TUBB6: variants seen among roughly 807,000 people sequenced by gnomAD.
The protein encoded by TUBB6 is tubulin beta 6 class V.
TUBB6 carries 18 observed loss-of-function variants against 32.3 expected under a neutral mutation model. The ratio of observed to expected loss-of-function variants is 0.56; its 90% confidence interval spans 0.39 to 0.83. The LOEUF (loss-of-function observed/expected upper bound fraction) is 0.83. Ranked by LOEUF, TUBB6 falls within the 40% of genes least tolerant of loss-of-function variation. TUBB6 has a pLI of 0.00. For synonymous variants in TUBB6, 280 were observed against 265.8 expected (o/e 1.05, Z -0.52); for missense variants, 480 against 632.0 (o/e 0.76, Z 2.58).
At chr18:12,311,607 A>G (rs753808339) in intron 3 of TUBB6, among the ~76,000 whole-genome samples, 3 of 152,206 alleles carry the variant, frequency 2.0e-5, no homozygotes, top group Non-Finnish European at 4.4e-5. Flanking sequence ...AAAAATAGCA[A>G]AAAACAAAAA....
intron 3 of TUBB6, among the ~76,000 whole-genome samples, chr18:12,317,126 A>G (rs535933771): frequency 6.5e-4 from 98 of 150,846 alleles, no homozygotes; most frequent in Non-Finnish European, 1.2e-3. Context: ...ATTGCACTGC[A>G]GCCTGGGTGA....
At position 12,325,962 on chromosome 18, in the gene TUBB6, C is replaced by G; in HGVS notation, c.1173C>G (p.Arg391=). The change falls in exon 4 of 4, where the codon CGC becomes CGG. Residue 391 remains arginine (R), a synonymous_variant. Transcript: ENST00000317702. The stretch of plus-strand genomic sequence containing the variant: ...AGCAGTTCTCAGCCATGTTCCGGCG[C>G]AAGGCCTTCCTGCACTGGTTCACGG... ...ISEQFSAMFR[R]KAFLHWFTGE... 6.2e-7 allele frequency: 1 copy of G among 1,614,112 alleles called. No homozygotes were observed. The highest frequency in any genetic ancestry group is 8.5e-7 in the Non-Finnish European group (1 of 1,180,048).
downstream of TUBB6, among the ~76,000 whole-genome samples, chr18:12,327,308 T>C (rs1423334037): frequency 6.6e-6 from 1 of 152,200 alleles, no homozygotes; most frequent in Non-Finnish European, 1.5e-5. Context: ...CACTCTGACC[T>C]GTGTTGGACA....
At chr18:12,308,478 C>A in intron 1 of TUBB6, 129 bp downstream of exon 1, 1 of 828,310 alleles carries the variant, frequency 1.2e-6, no homozygotes, top group South Asian at 3.2e-5. Context: ...GGTGCGGACC[C>A]GCGAGGGCCG....
intron 3 of TUBB6, 87 bp from the exon 4 acceptor site, chr18:12,324,980 C>A: frequency 1.3e-6 from 2 of 1,512,238 alleles, no homozygotes; most frequent in Non-Finnish European, 1.8e-6. Context: ...ATCATGGAAT[C>A]ACTTCACACC....
In TUBB6 at chr18:12,325,668, G is replaced by A. The variant is rs1907265134; in HGVS notation, c.879G>A (p.Met293Ile). Residue 293 changes from methionine (M) to isoleucine (I), a missense_variant, in exon 4 of 4, where the codon ATG becomes ATA. Transcript: ENST00000317702. The stretch of plus-strand genomic sequence containing the variant: ...CCGTGCCCGAGCTCACCCAGCAGAT[G>A]TTCGACGCCAGGAACATGATGGCCG... ...ALTVPELTQQMFDARNMMAAC... is the reference protein window; with the variant it reads ...ALTVPELTQQIFDARNMMAAC... The A allele has an allele frequency of 1.2e-6, 2 of 1,613,956 alleles. No homozygotes were observed. The highest frequency in any genetic ancestry group is 1.7e-5 in the Admixed American group (1 of 59,996).
At position 12,318,279 on chromosome 18, in the gene TUBB6, G is replaced by A. The variant is rs547373885; in HGVS notation, c.278-6788G>A. On this transcript the variant is annotated intron_variant, in intron 3 of 3. Coordinates refer to ENST00000317702, the MANE Select transcript of TUBB6 (RefSeq NM_032525.3). The stretch of plus-strand genomic sequence containing the variant: ...AGGTTGGGTGGGGAAGGGGTGGAGA[G>A]AAGTTGGTGGGGGCTTAGGAAGGAC... 5.9e-5 allele frequency among the ~76,000 whole-genome samples: 9 copies of A among 151,582 alleles called. No individual in the cohort carries two copies. In the South Asian group the frequency reaches 1.9e-3, roughly 32 times the overall value.
chr18:12,314,665 T>C (rs1286745576), intron 3 of TUBB6, among the ~76,000 whole-genome samples: 1 of 152,160 alleles, frequency 6.6e-6, no homozygotes, highest in Non-Finnish European at 1.5e-5. Context: ...AAGTTTTACA[T>C]ATGTAAAATA....
upstream of TUBB6, chr18:12,308,240 C>A: frequency 7.6e-7 from 1 of 1,320,880 alleles, no homozygotes; most frequent in South Asian, 1.7e-5. Context: ...AGCCGGCCCG[C>A]AGTTGCCGCT....
At chr18:12,327,668 C>G (rs973054252), downstream of TUBB6, among the ~76,000 whole-genome samples, 1 of 152,230 alleles carries the variant, frequency 6.6e-6, no homozygotes, top group Admixed American at 6.5e-5. Flanking sequence ...GCACAGGGAG[C>G]CACGGTTGCT....
intron 3 of TUBB6, among the ~76,000 whole-genome samples, chr18:12,319,127 CTTTTTCCTTTTT>C (rs1283195326): frequency 5.5e-5 from 8 of 144,926 alleles, no homozygotes; most frequent in Non-Finnish European, 7.5e-5. Flanking sequence ...GACATTTTTC[CTTTTTCCTTTTT>C]TTTTTTTTTC....
intron 3 of TUBB6, among the ~76,000 whole-genome samples, chr18:12,319,782 T>G (rs574373235): frequency 9.9e-5 from 15 of 152,086 alleles, no homozygotes; most frequent in Admixed American, 5.2e-4. Context: ...AAGGGGACCC[T>G]CTCTACAAAA....
At position 12,326,018 on chromosome 18, in the gene TUBB6, A is replaced by C. The variant is rs1316265234; in HGVS notation, c.1229A>C (p.Glu410Ala). ...GEGMDEMEFT[E>A]AESNMNDLVS... ...GGCATGGATGAAATGGAGTTCACCG[A>C]GGCGGAGAGCAACATGAACGACCTG... The change falls in exon 4 of 4, where the codon GAG (glutamate) becomes GCG (alanine). Residue 410 changes from glutamate (E) to alanine (A), a missense_variant. Transcript: ENST00000317702. 6 of 1,614,148 alleles carry C rather than the reference A, an allele frequency of 3.7e-6. No individual in the cohort carries two copies. In the South Asian group the frequency reaches 6.6e-5, roughly 18 times the overall value.
intron 3 of TUBB6, chr18:12,324,782 T>C (rs1041909686): frequency 1.5e-6 from 2 of 1,293,124 alleles, no homozygotes; most frequent in Middle Eastern, 2.9e-4. Context: ...ATACCTTTTG[T>C]TCCCTTTGAA....
At chr18:12,310,199 C>T (rs941449237) in intron 2 of TUBB6, among the ~76,000 whole-genome samples, 1 of 151,684 alleles carries the variant, frequency 6.6e-6, no homozygotes, top group Non-Finnish European at 1.5e-5. Context: ...TTTTAAGAGA[C>T]AGGGTTTCGG....
chr18:12,323,808 CA>C (rs555595088), intron 3 of TUBB6, among the ~76,000 whole-genome samples: 42 of 140,358 alleles, frequency 3.0e-4, no homozygotes, highest in Admixed American at 3.6e-4. Flanking sequence ...GACTCCGTCT[CA>C]AAAAAAAAAA....
intron 3 of TUBB6, among the ~76,000 whole-genome samples, chr18:12,324,651 A>AT (rs1246090417): frequency 6.6e-6 from 1 of 151,848 alleles, no homozygotes; most frequent in East Asian, 2.0e-4. Flanking sequence ...GGGTTTCCTC[A>AT]TGTTGCCCAG....
At chr18:12,319,135 T>A (rs1406926670) in intron 3 of TUBB6, among the ~76,000 whole-genome samples, 1 of 8,228 alleles carries the variant, frequency 1.2e-4, no homozygotes, top group Non-Finnish European at 1.0e-3. Flanking sequence ...TCCTTTTTCC[T>A]TTTTTTTTTT....
downstream of TUBB6, chr18:12,328,965 T>C (rs1907421281): frequency 1.7e-6 from 1 of 573,356 alleles, no homozygotes; most frequent in Admixed American, 2.9e-5. Flanking sequence ...AAGTACAGTG[T>C]TGACATTTTA....
Sources: allele counts gnomAD v4.1 joint callset (sites outside exome capture counted in the v4.1 genomes callset), GRCh38; gene constraint gnomAD v4.1.1; transcripts MANE v1.5; gene names NCBI Gene and HGNC (gene_info 2026-07-23, HGNC 2026-07-21).